Variants in CNBD1 observed in about 807,000 individuals in gnomAD.
CNBD1 encodes the protein cyclic nucleotide-binding domain-containing protein 1.
Under a neutral mutation model 54.4 loss-of-function variants are expected in CNBD1, and 71 were observed. That is an observed-to-expected ratio of 1.30 (90% CI 1.08 to 1.59). CNBD1 has a LOEUF of 1.59. Ranked by LOEUF, CNBD1 falls within the 40% of genes most tolerant of loss-of-function variation. The pLI is 0.00. For synonymous variants in CNBD1, 182 were observed against 170.7 expected (o/e 1.07, Z -0.51); for missense variants, 659 against 518.0 (o/e 1.27, Z -2.64).
chr8:87,160,443 T>G (rs997139853), intron 4 of CNBD1, among the ~76,000 whole-genome samples: 1 of 152,114 alleles, frequency 6.6e-6, no homozygotes, highest in Non-Finnish European at 1.5e-5. Context: ...AACTGGTATA[T>G]AGAAATTCTC....
chr8:86,932,737 C>T (rs962379640), intron 3 of CNBD1, among the ~76,000 whole-genome samples: 1 of 151,916 alleles, frequency 6.6e-6, no homozygotes, highest in South Asian at 2.1e-4. Context: ...GCTTGAGGGT[C>T]AAATTGTTCC....
At chr8:86,945,336 T>C (rs1807441504) in intron 4 of CNBD1, among the ~76,000 whole-genome samples, 1 of 152,184 alleles carries the variant, frequency 6.6e-6, no homozygotes, top group African/African-American at 2.4e-5. Context: ...TGAAGATCAT[T>C]ATGTTTCAGT....
chr8:86,987,980 C>T (rs996402504), intron 4 of CNBD1, among the ~76,000 whole-genome samples: 5 of 151,946 alleles, frequency 3.3e-5, no homozygotes, highest in Admixed American at 2.0e-4. Flanking sequence ...TCAGTCTTCC[C>T]GATTTTGGTA....
chr8:87,158,416 G>T (rs1349636379), intron 4 of CNBD1, among the ~76,000 whole-genome samples: 12 of 152,134 alleles, frequency 7.9e-5, no homozygotes, highest in Non-Finnish European at 5.9e-5. Flanking sequence ...AGCATGCAGT[G>T]CTGTCAAAGG....
chr8:87,014,828 G>C (rs931206622), intron 4 of CNBD1, among the ~76,000 whole-genome samples: 10 of 151,334 alleles, frequency 6.6e-5, no homozygotes, highest in South Asian at 6.3e-4. Flanking sequence ...TAGATGCAAA[G>C]AAAGTTAAAG....
rs1285462369 is a variant in CNBD1 at position 87,297,569 on chromosome 8, TAACTTCCTAA to T, written c.1042+10901_1042+10910del. On this transcript the variant is annotated intron_variant, in intron 8 of 10. Transcript: ENST00000518476. ...AATATCTTATAAATCACTTTAATAA[TAACTTCCTAA>T]AAAGTGGCTAGAGCTAAGAGAGTGA... Among the ~76,000 whole-genome samples the T allele has an allele frequency of 3.9e-5, 6 of 152,168 alleles. No homozygotes were observed. In the East Asian group the frequency reaches 1.2e-3, roughly 29 times the overall value.
At chr8:86,961,737 A>G (rs1254627927) in intron 4 of CNBD1, among the ~76,000 whole-genome samples, 1 of 152,238 alleles carries the variant, frequency 6.6e-6, no homozygotes, top group Non-Finnish European at 1.5e-5. Flanking sequence ...ATGCTTTCTC[A>G]GGCTTCCTGT....
intron 4 of CNBD1, among the ~76,000 whole-genome samples, chr8:87,101,217 T>A (rs1050060062): frequency 6.6e-6 from 1 of 152,188 alleles, no homozygotes; most frequent in Non-Finnish European, 1.5e-5. Context: ...TCTAAGATGA[T>A]CAAGATGTTG....
chr8:87,024,498 G>C (rs1024686920), intron 4 of CNBD1, among the ~76,000 whole-genome samples: 5 of 151,308 alleles, frequency 3.3e-5, no homozygotes, highest in Admixed American at 3.3e-4. Context: ...GTGCCACCAT[G>C]CCTGGCTAAT....
intron 2 of CNBD1, among the ~76,000 whole-genome samples, chr8:87,390,467 G>T (rs538634294): frequency 1.6e-4 from 25 of 152,298 alleles, no homozygotes; most frequent in African/African-American, 6.0e-4. Flanking sequence ...AGACATTTAT[G>T]CAGCCAAAAG....
At chr8:87,287,961 T>C (rs1252490474) in intron 8 of CNBD1, among the ~76,000 whole-genome samples, 1 of 152,092 alleles carries the variant, frequency 6.6e-6, no homozygotes, top group East Asian at 1.9e-4. Context: ...TTTATGACAT[T>C]TTTTTCCTAA....
intron 3 of CNBD1, among the ~76,000 whole-genome samples, chr8:86,937,261 A>T (rs1586147428): frequency 6.6e-6 from 1 of 152,254 alleles, no homozygotes; most frequent in Admixed American, 6.5e-5. Context: ...CATGGGAAAG[A>T]CCTGCCCCCA....
intron 10 of CNBD1, among the ~76,000 whole-genome samples, chr8:87,382,390 T>C (rs553727999): frequency 2.0e-5 from 3 of 151,982 alleles, no homozygotes; most frequent in Non-Finnish European, 4.4e-5. Context: ...TCACTCCATA[T>C]AATTATAGAA....
At chr8:87,297,765 A>G (rs970333989) in intron 8 of CNBD1, among the ~76,000 whole-genome samples, 1 of 151,844 alleles carries the variant, frequency 6.6e-6, no homozygotes, top group East Asian at 1.9e-4. Context: ...TAATATTTTA[A>G]TTTTCATTTT....
At chr8:87,426,486 A>G (rs1808053275) in intron 2 of CNBD1, among the ~76,000 whole-genome samples, 1 of 152,214 alleles carries the variant, frequency 6.6e-6, no homozygotes, top group African/African-American at 2.4e-5. Context: ...AATTGAGAGA[A>G]ATTCTGCACA....
chr8:86,935,831 A>G (rs1263432935), intron 3 of CNBD1, among the ~76,000 whole-genome samples: 1 of 151,864 alleles, frequency 6.6e-6, no homozygotes, highest in Non-Finnish European at 1.5e-5. Flanking sequence ...ATGAATTATC[A>G]GCTTTTCTTT....
At chr8:87,257,253 C>T (rs1254481928) in intron 6 of CNBD1, among the ~76,000 whole-genome samples, 2 of 151,574 alleles carry the variant, frequency 1.3e-5, no homozygotes, top group African/African-American at 4.9e-5. Context: ...CCTGTAATAC[C>T]AGCCACTGGG....
At chr8:87,316,287 GAT>G (rs1376904033) in intron 8 of CNBD1, among the ~76,000 whole-genome samples, 3 of 151,900 alleles carry the variant, frequency 2.0e-5, no homozygotes, top group South Asian at 2.1e-4. Context: ...AGAATGAAAA[GAT>G]AGTTTCTAAA....
Position 87,166,118 on chromosome 8 carries a change from C to G in CNBD1, c.432-39875C>G, listed in dbSNP as rs892753966. ...TCTTGGTTTCCTCTGCTGATCTGTC[C>G]CACTAATAAAACCTCTTAAACTGTT... On this transcript the variant is annotated intron_variant, in intron 4 of 10. Coordinates refer to ENST00000518476, the MANE Select transcript of CNBD1 (RefSeq NM_173538.3). The surrounding 1 kb of genome is among the most constrained non-coding windows in gnomAD (Gnocchi z 4.3). Among the ~76,000 whole-genome samples the G allele has an allele frequency of 6.6e-6, 1 of 151,870 alleles. No homozygotes were observed. Among genetic ancestry groups the G allele is most frequent in the Non-Finnish European group, 1.5e-5 (1 of 67,914 alleles).
Sources: allele counts gnomAD v4.1 joint callset (sites outside exome capture counted in the v4.1 genomes callset), GRCh38; gene constraint gnomAD v4.1.1; non-coding constraint Gnocchi (gnomAD v3.1); transcripts MANE v1.5; gene names NCBI Gene and HGNC (gene_info 2026-07-23, HGNC 2026-07-21).